Variants in TUB observed in about 807,000 individuals in gnomAD.
TUB encodes TUB bipartite transcription factor.
In TUB, 33 loss-of-function variants were observed where a neutral mutation model predicts 59.7. The observed-to-expected ratio is 0.55, with a 90% CI of 0.42 to 0.74. TUB has a LOEUF of 0.74. TUB is among the 30% of genes least tolerant of loss of function. The pLI is 0.00. For synonymous variants in TUB, 293 were observed against 256.4 expected, an observed-to-expected ratio of 1.14 and a Z score of -1.36; for missense variants, 659 against 672.0, an observed-to-expected ratio of 0.98 and a Z score of 0.21.
Position 8,096,759 on chromosome 11 carries a change from A to G in TUB, c.640A>G (p.Asn214Asp), listed in dbSNP as rs1309829705. 1 of 1,614,088 alleles carries G rather than the reference A, an allele frequency of 6.2e-7. No individual in the cohort carries two copies. Among genetic ancestry groups the G allele is most frequent in the African/African-American group, 1.3e-5 (1 of 75,032 alleles). ...EENSSSSSQL[N>D]SNTRPSSATS... ...GAATAGCTCCAGCTCCTCCCAGCTA[A>G]ATAGTAACACCCGCCCCAGCTCTGC... The change falls in exon 6 of 12, where the codon AAT (asparagine) becomes GAT (aspartate). Residue 214 changes from asparagine to aspartate, a missense_variant. Physicochemically the swap from Asn to Asp is conservative, Grantham distance 23 (BLOSUM62 1). This residue lies in a region of TUB where 321 missense variants were observed against 304.3 expected (regional missense o/e 1.05). Transcript: ENST00000299506.
At chr11:8,072,273 A>G (rs1387455026) in intron 2 of TUB, among the ~76,000 whole-genome samples, 1 of 152,086 alleles carries the variant, frequency 6.6e-6, no homozygotes, top group African/African-American at 2.4e-5. Context: ...TCCAGGCCAG[A>G]GCTCAGCTTG....
At chr11:8,077,272 G>C (rs1943465522), upstream of TUB, 1 of 152,206 alleles carries the variant, frequency 6.6e-6, no homozygotes, top group Non-Finnish European at 1.5e-5. Context: ...TTAGAACAGA[G>C]TCTATAGGAT....
chr11:8,058,533 T>C (rs185934017), intron 2 of TUB, among the ~76,000 whole-genome samples: 13 of 152,326 alleles, frequency 8.5e-5, no homozygotes, highest in South Asian at 2.1e-4. Context: ...TGGGAAAAAA[T>C]ACTACTAATG....
intron 2 of TUB, among the ~76,000 whole-genome samples, chr11:8,049,476 A>G (rs185085586): frequency 2.6e-5 from 4 of 151,860 alleles, no homozygotes; most frequent in Admixed American, 2.6e-4. Context: ...CAAAGAGACA[A>G]TGCATACCCC....
intron 2 of TUB, among the ~76,000 whole-genome samples, chr11:8,046,759 A>G (rs980363008): frequency 6.6e-6 from 1 of 152,162 alleles, no homozygotes; most frequent in African/African-American, 2.4e-5. Context: ...TTTCCAAAGC[A>G]TAGATAGGAT....
At chr11:8,096,530 G>C (rs1178237485) in intron 5 of TUB, among the ~76,000 whole-genome samples, 155 bp from the exon 6 acceptor site, 2 of 152,148 alleles carry the variant, frequency 1.3e-5, no homozygotes, top group African/African-American at 4.8e-5. Context: ...TGTGTGAATG[G>C]GAGTCTATAT....
At chr11:8,020,983 G>A (rs936249746) in intron 1 of TUB, among the ~76,000 whole-genome samples, 5 of 152,140 alleles carry the variant, frequency 3.3e-5, no homozygotes, top group African/African-American at 1.2e-4. Flanking sequence ...CATATTCTGG[G>A]AGAAAAACTT....
chr11:8,101,716 C>A lies in TUB; in HGVS notation c.*97C>A. ...TGCCTATCCTCTGTATATAGGCCTT[C>A]CGCCAGATGAAGCTTTGGCCCTCAG... On this transcript the variant is annotated 3_prime_UTR_variant, in exon 12 of 12. Coordinates refer to ENST00000299506, the MANE Select transcript of TUB (RefSeq NM_177972.3). 6.7e-7 allele frequency: 1 copy of A among 1,486,334 alleles called. No individual in the cohort carries two copies. Among genetic ancestry groups the A allele is most frequent in the Non-Finnish European group, 9.0e-7 (1 of 1,116,382 alleles). The allele number at this position is 1,486,334 out of a possible 1,614,324, so 92.1% of individuals were successfully genotyped here. A position where few individuals can be genotyped will look rare whatever the true frequency, so the allele number is the denominator to read the frequency against.
upstream of TUB, among the ~76,000 whole-genome samples, chr11:8,037,609 A>G (rs1942666265): frequency 6.6e-6 from 1 of 152,080 alleles, no homozygotes; most frequent in Non-Finnish European, 1.5e-5. Context: ...ATCTGGGTGT[A>G]ATTTTTACAA....
intron 2 of TUB, among the ~76,000 whole-genome samples, chr11:8,054,106 C>T (rs1400244769): frequency 6.6e-6 from 1 of 152,014 alleles, no homozygotes; most frequent in Non-Finnish European, 1.5e-5. Context: ...CAGAGCGAGA[C>T]TCTGTCTCAA....
At position 8,094,046 on chromosome 11, in the gene TUB, T is replaced by C. The variant is rs1324592445; in HGVS notation, c.254T>C (p.Val85Ala). Residue 85 changes from valine to alanine, a missense_variant and splice_region_variant, in exon 4 of 12, where the codon GTT (valine) becomes GCT (alanine). By Grantham distance (64) the Val-to-Ala change is moderately conservative. Around this residue, in one of 3 missense-constraint regions of TUB, gnomAD observed 321 missense variants for 304.3 expected, o/e 1.05. Coordinates refer to ENST00000299506, the MANE Select transcript of TUB (RefSeq NM_177972.3). Reference sequence around the variant, plus strand: ...CCATCTGGGGATGTTTCCTGAGCAGTTCAAGAGGCCGACTCACTCGCCAGT... The same window carrying C: ...CCATCTGGGGATGTTTCCTGAGCAGCTCAAGAGGCCGACTCACTCGCCAGT... The part of the protein sequence containing the change: ...LSSSGSTSYQ[V>A]QEADSLASVQ... The C allele has an allele frequency of 6.2e-7, 1 of 1,614,082 alleles. No individual in the cohort carries two copies. The highest frequency in any genetic ancestry group is 2.2e-5 in the East Asian group (1 of 44,872).
At position 8,101,798 on chromosome 11, in the gene TUB, A is replaced by T; in HGVS notation, c.*179A>T. 189 of 900,228 alleles carry T rather than the reference A, an allele frequency of 2.1e-4. No homozygotes were observed. The highest frequency in any genetic ancestry group is 8.3e-4 in the Middle Eastern group (2 of 2,424). The allele number at this position is 900,228 out of a possible 1,614,324, so 55.8% of individuals were successfully genotyped here. On this transcript the variant is annotated 3_prime_UTR_variant, in exon 12 of 12. Transcript: ENST00000299506. ...GCTCCTTTGCCTCTGCTACTGAGGC[A>T]GGGGAGTAGTGGAGAGCGGGTGGGT... is the stretch of plus-strand genomic sequence containing the variant.
At chr11:8,055,564 G>T (rs1470039484) in intron 2 of TUB, among the ~76,000 whole-genome samples, 6 of 152,246 alleles carry the variant, frequency 3.9e-5, no homozygotes, top group African/African-American at 1.4e-4. Flanking sequence ...CCTTACCCTG[G>T]CCGCACAGAT....
intron 2 of TUB, among the ~76,000 whole-genome samples, chr11:8,047,936 T>C (rs962425187): frequency 6.6e-6 from 1 of 152,148 alleles, no homozygotes. Context: ...CTAGAAAGGG[T>C]CCCATTTGCT....
rs922687253 is a variant in TUB at position 8,105,742 on chromosome 11, T to C, written c.*4123T>C. 2 of 152,210 alleles carry C rather than the reference T, an allele frequency of 1.3e-5. No individual in the cohort carries two copies. The highest frequency in any genetic ancestry group is 4.8e-5 in the African/African-American group (2 of 41,448). 9.4% of individuals were successfully genotyped at this position (152,210 alleles called of 1,614,324 possible). A position where few individuals can be genotyped will look rare whatever the true frequency, so the allele number is the denominator to read the frequency against. ...TTTATAGCTCATCACTGTGCCTTTT[T>C]TTCTTTCCTAAGAAAGACATCACAT... On this transcript the variant is annotated 3_prime_UTR_variant, in exon 12 of 12. Transcript: ENST00000299506.
intron 2 of TUB, among the ~76,000 whole-genome samples, chr11:8,052,069 A>G (rs1942942573): frequency 6.6e-6 from 1 of 152,240 alleles, no homozygotes; most frequent in Non-Finnish European, 1.5e-5. Flanking sequence ...ACAGTTTCCT[A>G]GTACAGATGA....
At chr11:8,067,210 C>A (rs7932687) in intron 2 of TUB, among the ~76,000 whole-genome samples, 88,554 of 152,058 alleles carry the variant, frequency 0.58, 27,920 homozygotes, top group African/African-American at 0.83. Flanking sequence ...AAAAATACTG[C>A]GCATATGAGA....
intron 2 of TUB, among the ~76,000 whole-genome samples, chr11:8,046,892 A>G (rs1564901628): frequency 6.6e-6 from 1 of 152,198 alleles, no homozygotes; most frequent in South Asian, 2.1e-4. Flanking sequence ...AAAATACACT[A>G]GCACTAACGA....
intron 2 of TUB, among the ~76,000 whole-genome samples, chr11:8,074,452 A>G (rs1388377368): frequency 1.3e-5 from 2 of 152,132 alleles, no homozygotes; most frequent in African/African-American, 4.8e-5. Context: ...AAAATTCTCT[A>G]TAAGGCTGGG....
Sources: gnomAD v4.1 joint callset for allele counts (sites outside exome capture counted in the v4.1 genomes callset) on GRCh38, gnomAD v4.1.1 for gene constraint, gnomAD v4.1.1 regional missense constraint, MANE v1.5 for transcripts, NCBI Gene and HGNC (gene_info 2026-07-23, HGNC 2026-07-21) for gene names.